The following LUZP1 variants were observed in gnomAD, a reference collection of about 807,000 sequenced individuals.
LUZP1 encodes the protein filamin mechanobinding actin cross-linking protein.
LUZP1 carries 25 observed loss-of-function variants against 71.3 expected under a neutral mutation model. The observed-to-expected ratio is 0.35, with a 90% confidence interval of 0.26 to 0.49. LUZP1 has a LOEUF of 0.49. Ranked by LOEUF, LUZP1 falls within the 20% of genes least tolerant of loss-of-function variation. The probability of loss-of-function intolerance (pLI) is 0.99; values close to 1 mark genes in which losing one functional copy is unlikely to be tolerated. For missense variants in LUZP1, 1,142 were observed against 1,300.8 expected, an observed-to-expected ratio of 0.88 and a Z score of 1.88; for synonymous variants, 481 against 506.4, an observed-to-expected ratio of 0.95 and a Z score of 0.67.
intron 2 of LUZP1, among the ~76,000 whole-genome samples, chr1:23,160,529 T>A (rs1644455823): frequency 6.6e-6 from 1 of 152,200 alleles, no homozygotes; most frequent in Admixed American, 6.5e-5. Flanking sequence ...ACCCTAATAG[T>A]CTCTATATCG....
exon 4 of LUZP1, chr1:23,091,733 C>T: frequency 6.2e-7 from 1 of 1,614,054 alleles, no homozygotes; most frequent in Non-Finnish European, 8.5e-7. Flanking sequence ...GAATGGAGAG[C>T]TCAAAAGGGG....
chr1:23,159,151 T>C (rs1644444793), intron 2 of LUZP1, among the ~76,000 whole-genome samples: 2 of 151,588 alleles, frequency 1.3e-5, no homozygotes, highest in South Asian at 4.2e-4. Context: ...CCATCCTGGC[T>C]AACATGGTGA....
intron 2 of LUZP1, among the ~76,000 whole-genome samples, chr1:23,158,025 G>A (rs1055258268): frequency 2.6e-5 from 4 of 151,574 alleles, no homozygotes; most frequent in Non-Finnish European, 5.9e-5. Context: ...AAAAAAAAAG[G>A]CAGTCATAAT....
chr1:23,176,327 GT>G (rs1342225111), intron 1 of LUZP1, among the ~76,000 whole-genome samples: 1 of 152,126 alleles, frequency 6.6e-6, no homozygotes, highest in Non-Finnish European at 1.5e-5. Flanking sequence ...CTCCCCAAAA[GT>G]GCTGGGATTA....
At chr1:23,091,275 C>T (rs751225533) in exon 4 of LUZP1, 1 of 1,614,024 alleles carries the variant, frequency 6.2e-7, no homozygotes, top group South Asian at 1.1e-5. Context: ...CACAGTGAGG[C>T]TACTTTGGGT....
chr1:23,097,853 G>A (rs544510470), intron 3 of LUZP1, among the ~76,000 whole-genome samples: 1 of 152,134 alleles, frequency 6.6e-6, no homozygotes, highest in South Asian at 2.1e-4. Context: ...AAATAAATAA[G>A]CAGATAGACA....
chr1:23,173,670 T>C (rs1644566348), intron 1 of LUZP1, among the ~76,000 whole-genome samples: 1 of 152,166 alleles, frequency 6.6e-6, no homozygotes, highest in South Asian at 2.1e-4. Context: ...TTTGCTGTTC[T>C]GTGTGTGCAT....
chr1:23,158,311 T>C (rs1644436158), intron 2 of LUZP1, among the ~76,000 whole-genome samples: 1 of 152,236 alleles, frequency 6.6e-6, no homozygotes, highest in Non-Finnish European at 1.5e-5. Context: ...TTTTCCAAAA[T>C]AAAGACTTTC....
At chr1:23,108,393 T>C (rs1169764522) in intron 3 of LUZP1, among the ~76,000 whole-genome samples, 2 of 151,000 alleles carry the variant, frequency 1.3e-5, no homozygotes, top group Admixed American at 1.3e-4. Flanking sequence ...AGGACTGCTT[T>C]AGCCCAGCAG....
chr1:23,154,374 A>C (rs1294475795), intron 2 of LUZP1, among the ~76,000 whole-genome samples: 1 of 152,064 alleles, frequency 6.6e-6, no homozygotes, highest in Non-Finnish European at 1.5e-5. Context: ...CTCTACAAAA[A>C]AAAAATTTTT....
At chr1:23,124,166 T>C (rs1022706193) in intron 2 of LUZP1, among the ~76,000 whole-genome samples, 1 of 152,180 alleles carries the variant, frequency 6.6e-6, no homozygotes, top group Admixed American at 6.5e-5. Flanking sequence ...GCTGCAGCCC[T>C]TCATCAAACA....
In LUZP1 at chr1:23,147,837, T is replaced by C. The variant is rs115074239; in HGVS notation, c.-226+20929A>G. On this transcript the variant is annotated intron_variant, in intron 2 of 4. Coordinates refer to ENST00000302291, the Ensembl canonical transcript of LUZP1. ...ATATGTTTTACATTTCACATTTCAG[T>C]GTCTCCATACTTTGGTAATATTTTC... Among the ~76,000 whole-genome samples the C allele has an allele frequency of 9.3e-3, 1,416 of 152,340 alleles. 15 individuals are homozygous for C. Among genetic ancestry groups the C allele is most frequent in the Middle Eastern group, 0.017 (5 of 294 alleles).
At chr1:23,153,701 G>C (rs912877557) in intron 2 of LUZP1, among the ~76,000 whole-genome samples, 1 of 152,106 alleles carries the variant, frequency 6.6e-6, no homozygotes, top group Non-Finnish European at 1.5e-5. Flanking sequence ...TTAAGACAGA[G>C]TCGCAGCCAG....
intron 2 of LUZP1, among the ~76,000 whole-genome samples, chr1:23,117,477 C>CTCTCTCTCTCTCTCTCTCTCTCTCTCTCT (rs34248788): frequency 7.2e-5 from 1 of 13,850 alleles, no homozygotes; most frequent in African/African-American, 2.9e-4. Flanking sequence ...CTCTCTCTCT[C>CTCTCTCTCTCTCTCTCTCTCTCTCTCTCT]CCCCCCCCCC....
intron 2 of LUZP1, among the ~76,000 whole-genome samples, chr1:23,128,780 G>A (rs1273545765): frequency 6.6e-6 from 1 of 152,064 alleles, no homozygotes; most frequent in Non-Finnish European, 1.5e-5. Context: ...TGTGGGGGAG[G>A]GACACTGGGT....
intron 2 of LUZP1, among the ~76,000 whole-genome samples, chr1:23,146,008 A>G (rs1644340038): frequency 1.3e-5 from 2 of 152,152 alleles, no homozygotes; most frequent in Non-Finnish European, 2.9e-5. Context: ...AATAATTTGA[A>G]TTCTTTGTCC....
chr1:23,137,380 C>A (rs1644263040), intron 2 of LUZP1, among the ~76,000 whole-genome samples: 1 of 152,178 alleles, frequency 6.6e-6, no homozygotes, highest in Admixed American at 6.5e-5. Context: ...GTGGCTCACA[C>A]CTGTAATCCC....
At chr1:23,102,426 G>A (rs1392365775) in intron 3 of LUZP1, among the ~76,000 whole-genome samples, 1 of 152,096 alleles carries the variant, frequency 6.6e-6, no homozygotes, top group African/African-American at 2.4e-5. Flanking sequence ...CAGCTGCCAT[G>A]ATTCACTTCC....
intron 2 of LUZP1, among the ~76,000 whole-genome samples, chr1:23,153,980 A>G (rs1040336173): frequency 1.3e-5 from 2 of 152,212 alleles, no homozygotes; most frequent in African/African-American, 4.8e-5. Context: ...TATACAATAG[A>G]ATACTACTCA....
Sources: gnomAD v4.1 joint callset for allele counts (sites outside exome capture counted in the v4.1 genomes callset) on GRCh38, gnomAD v4.1.1 for gene constraint, MANE v1.5 for transcripts, NCBI Gene and HGNC (gene_info 2026-07-23, HGNC 2026-07-21) for gene names.